The following CLEC2B variants were observed in gnomAD, a reference collection of about 807,000 sequenced individuals.
CLEC2B encodes C-type (calcium dependent, carbohydrate-recognition domain) lectin, superfamily member 2 (activation-induced).
Under a neutral mutation model 16.2 loss-of-function variants are expected in CLEC2B, and 14 were observed. The observed-to-expected ratio is 0.86, with a 90% CI of 0.57 to 1.35. The LOEUF is 1.35. Among genes scored for constraint, CLEC2B ranks in the 40% most tolerant of loss-of-function variants. The pLI, the probability that CLEC2B is intolerant of heterozygous loss-of-function variation, is 0.00. For missense variants in CLEC2B, 166 were observed against 182.3 expected (o/e 0.91, Z 0.52); for synonymous variants, 42 against 55.8 (o/e 0.75, Z 1.10).
chr12:9,855,636 A>T lies in CLEC2B; in HGVS notation c.238-1152T>A, dbSNP rs1591768258. Reference sequence around the variant, plus strand: ...GAGAAGAGGGTAATTCATAGTCTAGACTCAGGAAAGGCTTCAGGAGAGAGC... The same window carrying T: ...GAGAAGAGGGTAATTCATAGTCTAGTCTCAGGAAAGGCTTCAGGAGAGAGC... On this transcript the variant is annotated intron_variant, in intron 3 of 4. Transcript: ENST00000228438. 2.6e-5 allele frequency among the ~76,000 whole-genome samples: 4 copies of T among 151,966 alleles called. 1 individual carries two copies. The highest frequency in any genetic ancestry group is 4.1e-4 in the South Asian group (2 of 4,820).
At chr12:9,857,424 A>C (rs761652793) in intron 3 of CLEC2B, 50 bp downstream of exon 3, 3 of 1,360,860 alleles carry the variant, frequency 2.2e-6, no homozygotes, top group Non-Finnish European at 2.1e-6. Context: ...GAATATTTCT[A>C]ATGCTCCGAC....
intron 2 of CLEC2B, 66 bp from the exon 3 acceptor site, chr12:9,857,703 C>A: frequency 8.2e-7 from 1 of 1,218,936 alleles, no homozygotes. Flanking sequence ...GTTTTGAGAT[C>A]ACTGGACACA....
Position 9,853,085 on chromosome 12 carries a change from G to GAAAGAGAAAGAAAGAA in CLEC2B, c.*214_*215insTTCTTTCTTTCTCTTT. On this transcript the variant is annotated 3_prime_UTR_variant, in exon 5 of 5. Coordinates refer to ENST00000228438, the MANE Select transcript of CLEC2B (RefSeq NM_005127.3). Reference sequence around the variant, plus strand: ...AGAAAGAAAGAAAGAAAGAAAGAAAGAGAGAGAGAGAAAGAAAGAAAGAAA... The same window carrying GAAAGAGAAAGAAAGAA: ...AGAAAGAAAGAAAGAAAGAAAGAAAGAAAGAGAAAGAAAGAAAGAGAGAGAGAAAGAAAGAAAGAAA... The GAAAGAGAAAGAAAGAA allele has an allele frequency of 2.2e-5, 7 of 314,048 alleles. No homozygotes were observed. The highest frequency in any genetic ancestry group is 5.5e-5 in the Admixed American group (1 of 18,218). 19.5% of individuals were successfully genotyped at this position (314,048 alleles called of 1,614,324 possible).
At chr12:9,857,664 A>G (rs775604325) in intron 2 of CLEC2B, 27 bp from the exon 3 acceptor site, 2 of 1,538,804 alleles carry the variant, frequency 1.3e-6, no homozygotes, top group South Asian at 1.1e-5. Context: ...TATATATCTT[A>G]AGTACCATAT....
chr12:9,853,871 T>A (rs1867872334), intron 4 of CLEC2B, among the ~76,000 whole-genome samples: 1 of 152,174 alleles, frequency 6.6e-6, no homozygotes, highest in Non-Finnish European at 1.5e-5. Context: ...ATTGAGAAAC[T>A]AACATAAACT....
chr12:9,854,594 C>T, intron 3 of CLEC2B, 110 bp from the exon 4 acceptor site: 2 of 675,446 alleles, frequency 3.0e-6, no homozygotes. Context: ...TTGTTCAACT[C>T]CTGGCCTCAC....
In CLEC2B at chr12:9,853,075, A is replaced by AAGAC; in HGVS notation, c.*224_*225insGTCT. ...AGTTAAAAAAAGAAAGAAAGAAAGA[A>AAGAC]AGAAAGAAAGAGAGAGAGAGAAAGA... On this transcript the variant is annotated 3_prime_UTR_variant, in exon 5 of 5. Transcript: ENST00000228438. 5.0e-6 allele frequency: 2 copies of AAGAC among 397,284 alleles called. No homozygotes were observed. Among genetic ancestry groups the AAGAC allele is most frequent in the East Asian group, 4.5e-5 (1 of 22,218 alleles). 24.6% of individuals were successfully genotyped at this position (397,284 alleles called of 1,614,324 possible). A position where few individuals can be genotyped will look rare whatever the true frequency, so the allele number is the denominator to read the frequency against.
At position 9,856,677 on chromosome 12, in the gene CLEC2B, G is replaced by C. The variant is rs140978980; in HGVS notation, c.237+797C>G. On this transcript the variant is annotated intron_variant, in intron 3 of 4. Coordinates refer to ENST00000228438, the MANE Select transcript of CLEC2B (RefSeq NM_005127.3). ...CTTTTCATTGAAACACTTCTCAACA[G>C]CAAATTATTTGCAAAAAATATTTTT... is the stretch of plus-strand genomic sequence containing the variant. Among the ~76,000 whole-genome samples, 305 of 152,036 alleles carry C rather than the reference G, an allele frequency of 2.0e-3. 1 individual carries two copies. Among genetic ancestry groups the C allele is most frequent in the African/African-American group, 7.1e-3 (294 of 41,490 alleles).
At chr12:9,865,038 C>T (rs760747916) in intron 1 of CLEC2B, among the ~76,000 whole-genome samples, 1 of 151,928 alleles carries the variant, frequency 6.6e-6, no homozygotes, top group Non-Finnish European at 1.5e-5. Flanking sequence ...CAAAACTTAG[C>T]TTGGTGTGGT....
chr12:9,866,599 G>T (rs115934703), intron 1 of CLEC2B, among the ~76,000 whole-genome samples: 2,904 of 151,914 alleles, frequency 0.019, 104 homozygotes, highest in African/African-American at 0.065. Context: ...TAATTATTTT[G>T]TGTGTGTTAA....
chr12:9,858,586 G>A (rs1867911772), intron 2 of CLEC2B, among the ~76,000 whole-genome samples: 1 of 151,908 alleles, frequency 6.6e-6, no homozygotes, highest in Non-Finnish European at 1.5e-5. Flanking sequence ...GAATGCTGAT[G>A]GCAGTGGAGC....
chr12:9,853,670 G>C (rs924399388), intron 4 of CLEC2B, among the ~76,000 whole-genome samples: 2 of 152,150 alleles, frequency 1.3e-5, no homozygotes, highest in African/African-American at 4.8e-5. Flanking sequence ...TTTCAATTAG[G>C]GGTGATTTTG....
chr12:9,856,760 G>A lies in CLEC2B; in HGVS notation c.237+714C>T, dbSNP rs1414682971. The A allele has an allele frequency of 5.3e-5, 8 of 151,990 alleles. No homozygotes were observed. The East Asian group carries it at 1.3e-3, about 26-fold the overall frequency. 9.4% of individuals were successfully genotyped at this position (151,990 alleles called of 1,614,324 possible). A position where few individuals can be genotyped will look rare whatever the true frequency, so the allele number is the denominator to read the frequency against. On this transcript the variant is annotated intron_variant, in intron 3 of 4. Transcript: ENST00000228438. ...TCATTCTTAAAGAGACCAAACAAAGGTAAGTATGTTTACAATATAAATGAC... is the reference window on the plus strand; with the variant it reads ...TCATTCTTAAAGAGACCAAACAAAGATAAGTATGTTTACAATATAAATGAC...
At chr12:9,854,134 G>C (rs888046856) in intron 4 of CLEC2B, among the ~76,000 whole-genome samples, 1 of 152,074 alleles carries the variant, frequency 6.6e-6, no homozygotes, top group African/African-American at 2.4e-5. Flanking sequence ...GGGGTGGGGG[G>C]AGTTGTGTAT....
intron 1 of CLEC2B, 41 bp from the exon 2 acceptor site, chr12:9,862,614 C>G (rs1455177440): frequency 7.3e-7 from 1 of 1,364,500 alleles, no homozygotes; most frequent in Admixed American, 3.4e-5. Context: ...ACTTCTGGCT[C>G]CAAAATGATG....
chr12:9,868,501 TA>T (rs1215930461), intron 1 of CLEC2B, among the ~76,000 whole-genome samples: 1 of 152,096 alleles, frequency 6.6e-6, no homozygotes, highest in Non-Finnish European at 1.5e-5. Context: ...CCTAAATCTC[TA>T]AATCATAGAT....
rs1297210008 is a variant in CLEC2B at position 9,852,579 on chromosome 12, C to G, written c.*721G>C. ...ATATTTTGAAGCAATGCTGTGTGCC[C>G]TGAGTGCCTTTTTCCCCTGGCCTGT... On this transcript the variant is annotated 3_prime_UTR_variant, in exon 5 of 5. Transcript: ENST00000228438. Among the ~76,000 whole-genome samples, 1 of 152,136 alleles carries G rather than the reference C, an allele frequency of 6.6e-6. No homozygotes were observed. The highest frequency in any genetic ancestry group is 1.5e-5 in the Non-Finnish European group (1 of 68,022).
At position 9,853,206 on chromosome 12, in the gene CLEC2B, C is replaced by A. The variant is rs1353129447; in HGVS notation, c.*94G>T. On this transcript the variant is annotated 3_prime_UTR_variant, in exon 5 of 5. Coordinates refer to ENST00000228438, the MANE Select transcript of CLEC2B (RefSeq NM_005127.3). ...GTAAGCAGAATTAACCAGACAGGTA[C>A]AAAACTCGAACTTTGTTTAATTAAA... is the stretch of plus-strand genomic sequence containing the variant. 2 of 997,464 alleles carry A rather than the reference C, an allele frequency of 2.0e-6. No homozygotes were observed. The highest frequency in any genetic ancestry group is 3.2e-5 in the African/African-American group (2 of 62,564). The allele number at this position is 997,464 out of a possible 1,614,324, so 61.8% of individuals were successfully genotyped here.
At chr12:9,868,070 C>T (rs1192630621) in intron 1 of CLEC2B, among the ~76,000 whole-genome samples, 2 of 150,440 alleles carry the variant, frequency 1.3e-5, no homozygotes, top group African/African-American at 4.9e-5. Context: ...TTCATAATTT[C>T]AGATATATAT....
Sources: allele counts gnomAD v4.1 joint callset (sites outside exome capture counted in the v4.1 genomes callset), GRCh38; gene constraint gnomAD v4.1.1; transcripts MANE v1.5; gene names NCBI Gene and HGNC (gene_info 2026-07-23, HGNC 2026-07-21).